The following SLC35D1 variants were observed in gnomAD, a reference collection of about 807,000 sequenced individuals.
SLC35D1 encodes solute carrier family 35 member D1, also known as nucleotide sugar transporter SLC35D1.
Under a neutral mutation model 46.7 loss-of-function variants are expected in SLC35D1, and 31 were observed. The ratio of observed to expected loss-of-function variants is 0.66; its 90% CI spans 0.50 to 0.90. The LOEUF (loss-of-function observed/expected upper bound fraction) is 0.90. Among genes scored for constraint, SLC35D1 ranks in the 40% least tolerant of loss-of-function variants. The pLI is 0.00. For synonymous variants in SLC35D1, 195 were observed against 164.6 expected, an observed-to-expected ratio of 1.18 and a Z score of -1.41; for missense variants, 397 against 426.2, an observed-to-expected ratio of 0.93 and a Z score of 0.60.
At chr1:67,008,449 T>A (rs1476368135) in intron 11 of SLC35D1, 3 of 1,288,586 alleles carry the variant, frequency 2.3e-6, no homozygotes, top group Non-Finnish European at 3.0e-6. Flanking sequence ...CAGATACAGC[T>A]GGGAGACACC....
chr1:67,026,738 GA>G (rs1667921159), intron 8 of SLC35D1, among the ~76,000 whole-genome samples: 2 of 152,006 alleles, frequency 1.3e-5, no homozygotes, highest in South Asian at 4.2e-4. Context: ...TGCTATAAAG[GA>G]ATACCTGAGA....
chr1:67,041,495 C>G (rs1254213418), intron 8 of SLC35D1, among the ~76,000 whole-genome samples: 1 of 152,184 alleles, frequency 6.6e-6, no homozygotes, highest in African/African-American at 2.4e-5. Context: ...CATACTTATT[C>G]TGAAGAAGTT....
rs1570650603 is a variant in SLC35D1, at chr1:67,053,942, T to G, written c.72A>C (p.Arg24=). ...ACGCCATCCCCAGCTCCTCCTCATC[T>G]CGGAGTGTGGAGGATTTCGCGGGGG... ...GEAPAKSSTL[R]DEEELGMASA... is the part of the protein sequence containing the mutation. The change falls in exon 1 of 12, where the codon CGA becomes CGC. Residue 24 remains arginine (R), a synonymous_variant. Transcript: ENST00000235345. 21 of 1,613,744 alleles carry G rather than the reference T, an allele frequency of 1.3e-5. No individual in the cohort carries two copies. The East Asian group carries it at 4.7e-4, about 36-fold the overall frequency.
intron 8 of SLC35D1, among the ~76,000 whole-genome samples, chr1:67,036,317 C>G (rs558302294): frequency 1.6e-4 from 24 of 152,216 alleles, no homozygotes; most frequent in Middle Eastern, 3.4e-3. Context: ...GGATCTATCT[C>G]TCTCTTTAGC....
At chr1:66,977,267 G>A in the SLC35D1 span, among the ~76,000 whole-genome samples, 1 of 151,844 alleles carries the variant, frequency 6.6e-6, no homozygotes, top group Non-Finnish European at 1.5e-5. Flanking sequence ...CTGCCATGAC[G>A]CCTGGCTAAT....
chr1:66,973,280 T>C, the SLC35D1 span, among the ~76,000 whole-genome samples: 2 of 152,220 alleles, frequency 1.3e-5, no homozygotes, highest in Middle Eastern at 3.4e-3. Context: ...TGCAATTCTT[T>C]ATAGCTGTTT....
At chr1:66,991,665 G>C in the SLC35D1 span, among the ~76,000 whole-genome samples, 1 of 152,198 alleles carries the variant, frequency 6.6e-6, no homozygotes, top group South Asian at 2.1e-4. Flanking sequence ...AACGAGGAGT[G>C]AAAGCCCACA....
intron 11 of SLC35D1, among the ~76,000 whole-genome samples, chr1:67,006,599 T>C (rs1558149054): frequency 6.6e-6 from 1 of 152,184 alleles, no homozygotes; most frequent in Non-Finnish European, 1.5e-5. Context: ...AAGCACAGGA[T>C]AGAAGAAGAC....
chr1:67,042,325 G>A lies in SLC35D1; in HGVS notation c.640C>T (p.Leu214=). 6.2e-7 allele frequency: 1 copy of A among 1,613,922 alleles called. No individual in the cohort carries two copies. Among genetic ancestry groups the A allele is most frequent in the Non-Finnish European group, 8.5e-7 (1 of 1,179,852 alleles). The stretch of plus-strand genomic sequence containing the variant: ...TAATAGAGCAGTCCATATTTTCCCA[G>A]CTCCTAGGACAGTAAATAATTAGGT... ...YVKQKLDSKE[L]GKYGLLYYNA... Residue 214 remains leucine (L), a synonymous_variant, in exon 8 of 12, where the codon CTG becomes TTG. Coordinates refer to ENST00000235345, the MANE Select transcript of SLC35D1 (RefSeq NM_015139.3).
the SLC35D1 span, among the ~76,000 whole-genome samples, chr1:66,991,336 AGAAACAAT>A: frequency 5.3e-5 from 8 of 152,342 alleles, no homozygotes; most frequent in Admixed American, 4.6e-4. Context: ...GGAGAAGAGA[AGAAACAAT>A]TACATAGATG....
At chr1:66,988,976 G>C in the SLC35D1 span, among the ~76,000 whole-genome samples, 1 of 152,164 alleles carries the variant, frequency 6.6e-6, no homozygotes, top group East Asian at 1.9e-4. Context: ...TCAAGAAAAT[G>C]AGTTTACCTT....
intron 8 of SLC35D1, among the ~76,000 whole-genome samples, chr1:67,022,394 A>G (rs1176149260): frequency 6.6e-6 from 1 of 152,164 alleles, no homozygotes; most frequent in African/African-American, 2.4e-5. Context: ...GTGGCTTATA[A>G]AACATACCAT....
chr1:67,053,723 G>A, intron 1 of SLC35D1, 88 bp downstream of exon 1: 2 of 1,226,400 alleles, frequency 1.6e-6, no homozygotes, highest in African/African-American at 1.6e-5. Flanking sequence ...CTTTAACTTT[G>A]GCAGTCAAAG....
chr1:66,989,942 G>A, the SLC35D1 span, among the ~76,000 whole-genome samples: 3 of 152,182 alleles, frequency 2.0e-5, no homozygotes, highest in South Asian at 6.2e-4. Flanking sequence ...AAATTCCTTA[G>A]TCTACTCTTG....
chr1:66,986,705 T>TAA, the SLC35D1 span: 1 of 386,216 alleles, frequency 2.6e-6, no homozygotes, highest in African/African-American at 2.1e-5. Context: ...CATACATATC[T>TAA]AAGTAAATCA....
chr1:67,033,938 AC>A (rs1668072545), intron 8 of SLC35D1, among the ~76,000 whole-genome samples: 1 of 152,148 alleles, frequency 6.6e-6, no homozygotes, highest in Non-Finnish European at 1.5e-5. Flanking sequence ...CACTGAAGAG[AC>A]TGTCCCTTCC....
intron 10 of SLC35D1, among the ~76,000 whole-genome samples, chr1:67,016,130 T>C (rs1368286446): frequency 6.6e-6 from 1 of 152,172 alleles, no homozygotes; most frequent in Non-Finnish European, 1.5e-5. Flanking sequence ...ATAAATGTGT[T>C]ATTAATATAT....
intron 9 of SLC35D1, among the ~76,000 whole-genome samples, 177 bp downstream of exon 9, chr1:67,021,358 A>G (rs532186556): frequency 8.9e-4 from 136 of 152,294 alleles, no homozygotes; most frequent in African/African-American, 2.9e-3. Flanking sequence ...TAAGGTATCA[A>G]TTCAGTAGCC....
chr1:66,984,148 C>T, the SLC35D1 span, among the ~76,000 whole-genome samples: 2 of 152,230 alleles, frequency 1.3e-5, no homozygotes, highest in African/African-American at 2.4e-5. Context: ...CTTGCTTTTA[C>T]GTGGTTTTAG....
Sources: gnomAD v4.1 joint callset for allele counts (sites outside exome capture counted in the v4.1 genomes callset) on GRCh38, gnomAD v4.1.1 for gene constraint, MANE v1.5 for transcripts, NCBI Gene and HGNC (gene_info 2026-07-23, HGNC 2026-07-21) for gene names.